Variants in HYCC1 observed in about 807,000 individuals in gnomAD.
The protein encoded by HYCC1 is hyccin.
the HYCC1 span, among the ~76,000 whole-genome samples, chr7:22,949,447 A>G: frequency 6.6e-6 from 1 of 152,114 alleles, no homozygotes; most frequent in Admixed American, 6.6e-5. Context: ...GACATCCCAC[A>G]GTTAGGTTTA....
chr7:22,985,003 A>C, the HYCC1 span, among the ~76,000 whole-genome samples: 1 of 152,136 alleles, frequency 6.6e-6, no homozygotes, highest in Non-Finnish European at 1.5e-5. Flanking sequence ...TCTGAATAAA[A>C]ACATTTCATT....
chr7:22,944,997 T>G, the HYCC1 span: 1 of 153,656 alleles, frequency 6.5e-6, no homozygotes, highest in African/African-American at 2.4e-5. Context: ...GAGCAAATTG[T>G]TCTAATCATA....
the HYCC1 span, among the ~76,000 whole-genome samples, chr7:22,898,488 A>C: frequency 6.7e-6 from 1 of 149,484 alleles, no homozygotes; most frequent in African/African-American, 2.5e-5. Context: ...CTGGGATTAC[A>C]GGTGTGAGCC....
the HYCC1 span, among the ~76,000 whole-genome samples, chr7:23,004,816 T>C: frequency 6.6e-6 from 1 of 152,184 alleles, no homozygotes; most frequent in Non-Finnish European, 1.5e-5. Flanking sequence ...TTGTTTCGTT[T>C]TGTTTTTGAG....
the HYCC1 span, among the ~76,000 whole-genome samples, chr7:22,908,942 ACT>A: frequency 6.6e-6 from 1 of 151,836 alleles, no homozygotes; most frequent in Non-Finnish European, 1.5e-5. Context: ...CCCAATAAAA[ACT>A]CTGTGCATTA....
chr7:22,990,383 T>C, the HYCC1 span, among the ~76,000 whole-genome samples: 1 of 152,208 alleles, frequency 6.6e-6, no homozygotes, highest in Non-Finnish European at 1.5e-5. Context: ...GACTGTAACT[T>C]TGTCCTTATA....
At chr7:22,925,986 G>C in the HYCC1 span, among the ~76,000 whole-genome samples, 2 of 152,128 alleles carry the variant, frequency 1.3e-5, no homozygotes, top group Non-Finnish European at 2.9e-5. Flanking sequence ...CTGATCTCTC[G>C]GCAGAAACTC....
chr7:22,980,145 A>C, the HYCC1 span, among the ~76,000 whole-genome samples: 1 of 152,156 alleles, frequency 6.6e-6, no homozygotes, highest in Non-Finnish European at 1.5e-5. Context: ...AAATGTCAGG[A>C]AGAATAAAAT....
the HYCC1 span, among the ~76,000 whole-genome samples, chr7:22,965,229 C>A: frequency 6.6e-6 from 1 of 151,502 alleles, no homozygotes; most frequent in African/African-American, 2.4e-5. Flanking sequence ...TGACAAAGTT[C>A]TTGACACAAA....
At chr7:22,969,090 A>G in the HYCC1 span, among the ~76,000 whole-genome samples, 1 of 152,192 alleles carries the variant, frequency 6.6e-6, no homozygotes, top group African/African-American at 2.4e-5. Flanking sequence ...GTACAGTGCC[A>G]ACAAATGAAG....
the HYCC1 span, among the ~76,000 whole-genome samples, chr7:22,994,418 C>A: frequency 6.6e-6 from 1 of 151,976 alleles, no homozygotes; most frequent in Non-Finnish European, 1.5e-5. Context: ...TCTTGAGGGG[C>A]CTATCTTGTC....
At chr7:22,906,871 A>G in the HYCC1 span, among the ~76,000 whole-genome samples, 1 of 152,022 alleles carries the variant, frequency 6.6e-6, no homozygotes, top group African/African-American at 2.4e-5. Flanking sequence ...TTACACATCT[A>G]TTAAAAATTG....
the HYCC1 span, among the ~76,000 whole-genome samples, chr7:22,912,663 T>G: frequency 6.6e-6 from 1 of 152,038 alleles, no homozygotes; most frequent in East Asian, 1.9e-4. Flanking sequence ...GGAGAGTTAG[T>G]TCATCAGAAA....
the HYCC1 span, among the ~76,000 whole-genome samples, chr7:22,931,039 G>T: frequency 6.6e-6 from 1 of 151,974 alleles, no homozygotes; most frequent in Non-Finnish European, 1.5e-5. Flanking sequence ...GCATCATAAC[G>T]TGAAAGACAG....
chr7:22,991,759 T>C, the HYCC1 span, among the ~76,000 whole-genome samples: 454 of 152,246 alleles, frequency 3.0e-3, 2 homozygotes, highest in African/African-American at 9.8e-3. Context: ...AGCAAAATGT[T>C]TGTCAAAATA....
At chr7:22,902,745 C>G in the HYCC1 span, among the ~76,000 whole-genome samples, 1 of 151,940 alleles carries the variant, frequency 6.6e-6, no homozygotes, top group Non-Finnish European at 1.5e-5. Context: ...ACCCTTTCTT[C>G]AAATCATGTA....
At chr7:22,913,662 T>C in the HYCC1 span, among the ~76,000 whole-genome samples, 1 of 152,202 alleles carries the variant, frequency 6.6e-6, no homozygotes, top group African/African-American at 2.4e-5. Flanking sequence ...AACTCCCTTT[T>C]ACTGTAATTT....
At chr7:22,928,487 G>C in the HYCC1 span, among the ~76,000 whole-genome samples, 1 of 152,168 alleles carries the variant, frequency 6.6e-6, no homozygotes, top group African/African-American at 2.4e-5. Context: ...CTTCAGCAAA[G>C]TCTCAGGATA....
chr7:22,994,167 CA>C, the HYCC1 span, among the ~76,000 whole-genome samples: 1 of 152,112 alleles, frequency 6.6e-6, no homozygotes, highest in Non-Finnish European at 1.5e-5. Flanking sequence ...TTTTAATAGT[CA>C]AAAACTAGAA....
Sources: gnomAD v4.1 joint callset for allele counts (sites outside exome capture counted in the v4.1 genomes callset) on GRCh38, gnomAD v4.1.1 for gene constraint, MANE v1.5 for transcripts, NCBI Gene and HGNC (gene_info 2026-07-23, HGNC 2026-07-21) for gene names.